Variants in FRMD6 observed in about 807,000 individuals in gnomAD.
FRMD6 encodes FERM domain-containing protein 6.
Under a neutral mutation model 73.2 loss-of-function variants are expected in FRMD6, and 37 were observed. That is an observed-to-expected ratio of 0.51 (90% CI 0.39 to 0.66). The LOEUF (loss-of-function observed/expected upper bound fraction) is 0.66, where lower values mean the gene tolerates loss of function less well. Ranked by LOEUF, FRMD6 falls within the 30% of genes least tolerant of loss-of-function variation. The pLI is 0.00. For missense variants in FRMD6, 714 were observed against 780.5 expected, an observed-to-expected ratio of 0.91 and a Z score of 1.02; for synonymous variants, 273 against 282.2, an observed-to-expected ratio of 0.97 and a Z score of 0.33.
At chr14:51,534,331 T>G (rs1885764480) in intron 1 of FRMD6, among the ~76,000 whole-genome samples, 1 of 152,230 alleles carries the variant, frequency 6.6e-6, no homozygotes, top group Non-Finnish European at 1.5e-5. Context: ...TAATGTGTGA[T>G]GTAGTCACCA....
chr14:51,604,578 T>G (rs1387151269), intron 2 of FRMD6, among the ~76,000 whole-genome samples: 1 of 151,942 alleles, frequency 6.6e-6, no homozygotes, highest in African/African-American at 2.4e-5. Context: ...TAATGATAAG[T>G]TGGGGGAATA....
At chr14:51,536,422 A>G (rs1454531255) in intron 1 of FRMD6, among the ~76,000 whole-genome samples, 1 of 151,136 alleles carries the variant, frequency 6.6e-6, no homozygotes, top group South Asian at 2.1e-4. Flanking sequence ...TTATTTATTT[A>G]TTTTATTTTT....
chr14:51,607,854 C>T (rs192022235), intron 2 of FRMD6, among the ~76,000 whole-genome samples: 11 of 152,342 alleles, frequency 7.2e-5, no homozygotes, highest in Admixed American at 3.3e-4. Flanking sequence ...GTTGCGGTTC[C>T]GTCAGGAATC....
the FRMD6 span, among the ~76,000 whole-genome samples, chr14:51,404,037 A>G: frequency 6.6e-6 from 1 of 152,214 alleles, no homozygotes; most frequent in Non-Finnish European, 1.5e-5. Context: ...GTGGTGTCTA[A>G]GTGTTATGTA....
chr14:51,660,193 C>T (rs1393540713), intron 1 of FRMD6, among the ~76,000 whole-genome samples: 1 of 152,186 alleles, frequency 6.6e-6, no homozygotes, highest in Non-Finnish European at 1.5e-5. Context: ...ATGAAGTATT[C>T]AGGACTGTGC....
intron 1 of FRMD6, among the ~76,000 whole-genome samples, chr14:51,654,396 A>C (rs1892673323): frequency 6.6e-6 from 1 of 151,946 alleles, no homozygotes; most frequent in Non-Finnish European, 1.5e-5. Context: ...ATGATGTAAT[A>C]GACTGCGTAG....
At chr14:51,508,444 G>A (rs981267335) in intron 1 of FRMD6, among the ~76,000 whole-genome samples, 6 of 152,140 alleles carry the variant, frequency 3.9e-5, no homozygotes, top group Non-Finnish European at 5.9e-5. Flanking sequence ...AGAGAGCCCC[G>A]TGTGTTTCCT....
chr14:51,725,217 T>A (rs1271321483), intron 12 of FRMD6, among the ~76,000 whole-genome samples: 1 of 152,178 alleles, frequency 6.6e-6, no homozygotes, highest in East Asian at 1.9e-4. Flanking sequence ...CCCGATTTTA[T>A]ACGAGAAGGA....
intron 2 of FRMD6, among the ~76,000 whole-genome samples, chr14:51,615,291 G>A (rs1890666752): frequency 6.6e-6 from 1 of 152,126 alleles, no homozygotes; most frequent in Admixed American, 6.6e-5. Context: ...TAAGAGACAA[G>A]CCACATTGTT....
chr14:51,443,496 C>A, the FRMD6 span, among the ~76,000 whole-genome samples: 1 of 152,178 alleles, frequency 6.6e-6, no homozygotes, highest in Non-Finnish European at 1.5e-5. Context: ...CAAGCTCTTG[C>A]CCCCAAATAT....
chr14:51,488,702 A>G (rs1307620112), upstream of FRMD6, among the ~76,000 whole-genome samples: 2 of 152,240 alleles, frequency 1.3e-5, no homozygotes, highest in Non-Finnish European at 2.9e-5. Flanking sequence ...GGAGTAAGAA[A>G]GCCACATTCT....
At chr14:51,447,214 G>A in the FRMD6 span, among the ~76,000 whole-genome samples, 43 of 152,232 alleles carry the variant, frequency 2.8e-4, no homozygotes, top group South Asian at 4.2e-4. Flanking sequence ...GCCACTCTGG[G>A]GTGCGGGGAG....
chr14:51,550,101 G>A (rs1334769946), intron 1 of FRMD6, among the ~76,000 whole-genome samples: 1 of 152,182 alleles, frequency 6.6e-6, no homozygotes, highest in Non-Finnish European at 1.5e-5. Context: ...TCCCGGTAAT[G>A]CTGCTCATGC....
chr14:51,444,380 G>T, the FRMD6 span, among the ~76,000 whole-genome samples: 8 of 152,238 alleles, frequency 5.3e-5, no homozygotes, highest in African/African-American at 1.9e-4. Context: ...GTGAAGATGA[G>T]AACTGGCATG....
At chr14:51,584,725 C>T (rs988005852) in intron 2 of FRMD6, among the ~76,000 whole-genome samples, 4 of 151,778 alleles carry the variant, frequency 2.6e-5, no homozygotes, top group African/African-American at 7.3e-5. Context: ...CCATCCTGGC[C>T]TTTCCTTTTC....
At chr14:51,694,353 A>G (rs986523684) in intron 2 of FRMD6, among the ~76,000 whole-genome samples, 2 of 152,198 alleles carry the variant, frequency 1.3e-5, no homozygotes, top group South Asian at 2.1e-4. Context: ...CTGCACAATA[A>G]CAAACCATTA....
intron 1 of FRMD6, among the ~76,000 whole-genome samples, chr14:51,532,329 A>G (rs1289522089): frequency 2.0e-5 from 3 of 149,780 alleles, no homozygotes; most frequent in Admixed American, 6.8e-5. Flanking sequence ...AGATAGCACC[A>G]CTGCACTATA....
the FRMD6 span, among the ~76,000 whole-genome samples, chr14:51,435,440 G>C: frequency 6.7e-6 from 1 of 148,456 alleles, no homozygotes; most frequent in African/African-American, 2.5e-5. Flanking sequence ...AAAAAGAAAC[G>C]AAGTGTAAAC....
chr14:51,699,957 T>C (rs1422053036), intron 3 of FRMD6, among the ~76,000 whole-genome samples: 1 of 151,902 alleles, frequency 6.6e-6, no homozygotes, highest in Non-Finnish European at 1.5e-5. Context: ...GTCTCTGGGA[T>C]CTCTTTTCTA....
Sources: gnomAD v4.1 joint callset for allele counts (sites outside exome capture counted in the v4.1 genomes callset) on GRCh38, gnomAD v4.1.1 for gene constraint, MANE v1.5 for transcripts, NCBI Gene and HGNC (gene_info 2026-07-23, HGNC 2026-07-21) for gene names.